EFR3B: variants seen among roughly 807,000 people sequenced by gnomAD.
EFR3B encodes protein EFR3 homolog B.
In EFR3B, 64 loss-of-function variants were observed where a neutral mutation model predicts 104.7. The observed-to-expected ratio is 0.61, with a 90% CI of 0.50 to 0.75. The LOEUF is 0.75. EFR3B is among the 30% of genes least tolerant of loss of function. EFR3B has a pLI of 0.00. For synonymous variants in EFR3B, 385 were observed against 417.9 expected (o/e 0.92, Z 0.96); for missense variants, 750 against 1,078.5 (o/e 0.70, Z 4.27).
At chr2:25,083,566 T>C (rs1287907647) in intron 1 of EFR3B, among the ~76,000 whole-genome samples, 1 of 152,128 alleles carries the variant, frequency 6.6e-6, no homozygotes, top group Non-Finnish European at 1.5e-5. Context: ...CTAGGGGTGC[T>C]TGTGGGTTCC....
chr2:25,141,528 CT>C, intron 17 of EFR3B, 95 bp downstream of exon 17: 2 of 1,341,286 alleles, frequency 1.5e-6, no homozygotes, highest in Non-Finnish European at 2.0e-6. Flanking sequence ...TGCCAGGAGG[CT>C]CAGACTTCTG....
intron 1 of EFR3B, among the ~76,000 whole-genome samples, chr2:25,067,977 G>A (rs1394520782): frequency 6.6e-6 from 1 of 152,092 alleles, no homozygotes; most frequent in Admixed American, 6.6e-5. Flanking sequence ...ACCGCACCTG[G>A]CCTTTCCAGT....
intron 19 of EFR3B, among the ~76,000 whole-genome samples, chr2:25,148,550 C>T (rs1670900675): frequency 1.3e-5 from 2 of 151,816 alleles, no homozygotes; most frequent in African/African-American, 4.8e-5. Context: ...CCACCGCATC[C>T]GGCCTGTCAC....
intron 1 of EFR3B, among the ~76,000 whole-genome samples, chr2:25,044,048 G>T (rs1667650637): frequency 6.6e-6 from 1 of 152,226 alleles, no homozygotes; most frequent in Non-Finnish European, 1.5e-5. Flanking sequence ...TCAGAAAGGT[G>T]AACTGGGGAA....
intron 1 of EFR3B, among the ~76,000 whole-genome samples, chr2:25,049,512 A>T (rs1667808750): frequency 6.6e-6 from 1 of 152,254 alleles, no homozygotes; most frequent in Admixed American, 6.5e-5. Context: ...ACATGCAAAC[A>T]ATTAAATGAT....
At chr2:25,061,707 G>A (rs2089784253) in intron 1 of EFR3B, among the ~76,000 whole-genome samples, 1 of 151,634 alleles carries the variant, frequency 6.6e-6, no homozygotes, top group Non-Finnish European at 1.5e-5. Context: ...TGTTGGCCAG[G>A]CTAGTCTCAA....
intron 1 of EFR3B, chr2:25,080,510 T>C (rs977130180): frequency 2.5e-5 from 12 of 480,946 alleles, no homozygotes; most frequent in African/African-American, 2.2e-4. Flanking sequence ...GGCCAGACTG[T>C]TCTTGACCTC....
intron 4 of EFR3B, among the ~76,000 whole-genome samples, chr2:25,120,670 A>AGC: frequency 6.6e-6 from 1 of 152,270 alleles, no homozygotes; most frequent in African/African-American, 2.4e-5. Flanking sequence ...CAACAGCAAC[A>AGC]AAAGCCCTGT....
At chr2:25,064,576 G>C (rs928670641) in intron 1 of EFR3B, among the ~76,000 whole-genome samples, 2 of 152,166 alleles carry the variant, frequency 1.3e-5, no homozygotes, top group Admixed American at 1.3e-4. Flanking sequence ...TACTCGCTAT[G>C]ATGCAAGCTC....
At chr2:25,129,559 C>T (rs1051496883) in intron 6 of EFR3B, among the ~76,000 whole-genome samples, 1 of 152,054 alleles carries the variant, frequency 6.6e-6, no homozygotes, top group African/African-American at 2.4e-5. Context: ...TTCCCTCCCT[C>T]TCTTTCCTCT....
chr2:25,071,377 C>T lies in EFR3B; in HGVS notation c.8-19948C>T, dbSNP rs561193102. 4.3e-4 allele frequency among the ~76,000 whole-genome samples: 66 copies of T among 151,932 alleles called. 2 individuals carry two copies. Among genetic ancestry groups the T allele is most frequent in the South Asian group, 6.2e-4 (3 of 4,812 alleles). On this transcript the variant is annotated intron_variant, in intron 1 of 22. Transcript: ENST00000403714. ...CTGGGTTCAAGCGATTCTCCTGCCT[C>T]GGCCTCCTGAGTAGCTGGGATTACA... is the stretch of plus-strand genomic sequence containing the variant.
intron 1 of EFR3B, among the ~76,000 whole-genome samples, chr2:25,085,594 A>G (rs1185419738): frequency 3.9e-5 from 6 of 151,904 alleles, no homozygotes; most frequent in Non-Finnish European, 1.5e-5. Context: ...TCTCCCAAGT[A>G]GCTGGGACTA....
At position 25,042,327 on chromosome 2, in the gene EFR3B, G is replaced by C. The variant is rs1229940644; in HGVS notation, c.7+8G>C. On this transcript the variant is annotated splice_region_variant and intron_variant, in intron 1 of 22. Transcript: ENST00000403714. This position sits in a 1 kb window ranked among gnomAD's most constrained non-coding sequence, Gnocchi z 5.4. Reference sequence around the variant, plus strand: ...GCCCCGCCGAGATGTACGGTAAGGAGGGCTCCGCGCCCGGGCCCGGGCCCG... The same window carrying C: ...GCCCCGCCGAGATGTACGGTAAGGACGGCTCCGCGCCCGGGCCCGGGCCCG... 7.1e-6 allele frequency: 9 copies of C among 1,267,484 alleles called. No homozygotes were observed. In the Admixed American group the frequency reaches 1.3e-4, roughly 18 times the overall value. The allele number at this position is 1,267,484 out of a possible 1,614,324, so 78.5% of individuals were successfully genotyped here.
chr2:25,146,726 G>C (rs776300531), intron 19 of EFR3B: 5 of 152,288 alleles, frequency 3.3e-5, no homozygotes, highest in Non-Finnish European at 7.3e-5. Context: ...GAGGTAGCTT[G>C]GTGGCAAAGC....
intron 1 of EFR3B, among the ~76,000 whole-genome samples, chr2:25,056,457 A>G (rs1434048534): frequency 6.7e-6 from 1 of 150,324 alleles, no homozygotes; most frequent in Admixed American, 6.7e-5. Context: ...TTTTAACAAA[A>G]CAAGAATGAT....
At chr2:25,078,786 T>C (rs1668704789) in intron 1 of EFR3B, among the ~76,000 whole-genome samples, 1 of 152,194 alleles carries the variant, frequency 6.6e-6, no homozygotes, top group African/African-American at 2.4e-5. Flanking sequence ...GCTGTGCCTG[T>C]GGTCGGAGAG....
chr2:25,098,695 A>G (rs1378551238), intron 3 of EFR3B, among the ~76,000 whole-genome samples: 1 of 152,210 alleles, frequency 6.6e-6, no homozygotes, highest in African/African-American at 2.4e-5. Flanking sequence ...TATTGGGATC[A>G]GAGATGAGGA....
At chr2:25,052,553 G>A (rs1667903659) in intron 1 of EFR3B, among the ~76,000 whole-genome samples, 1 of 139,774 alleles carries the variant, frequency 7.2e-6, no homozygotes, top group Non-Finnish European at 1.5e-5. Context: ...CCAGGCTGGA[G>A]TGCAGTGGCG....
Position 25,156,657 on chromosome 2 carries a change from C to T in EFR3B, c.*2317C>T, listed in dbSNP as rs989100296. On this transcript the variant is annotated 3_prime_UTR_variant, in exon 23 of 23. Coordinates refer to ENST00000403714, the MANE Select transcript of EFR3B (RefSeq NM_014971.2). ...GGCCCAGGCATGGAGGCTCCTGCAC[C>T]CCCAAGGCTTTTTGGCTGTGCTTTA... is the stretch of plus-strand genomic sequence containing the variant. 1.3e-5 allele frequency: 2 copies of T among 152,192 alleles called. No homozygotes were observed. Among genetic ancestry groups the T allele is most frequent in the East Asian group, 3.8e-4 (2 of 5,198 alleles). The allele number at this position is 152,192 out of a possible 1,614,324, so 9.4% of individuals were successfully genotyped here.
Sources: allele counts gnomAD v4.1 joint callset (sites outside exome capture counted in the v4.1 genomes callset), GRCh38; gene constraint gnomAD v4.1.1; non-coding constraint Gnocchi (gnomAD v3.1); transcripts MANE v1.5; gene names NCBI Gene and HGNC (gene_info 2026-07-23, HGNC 2026-07-21).